Variants in KHDRBS2 observed in about 807,000 individuals in gnomAD.
KHDRBS2 encodes the protein KH RNA binding domain containing, signal transduction associated 2, also known as KH domain-containing, RNA-binding, signal transduction-associated protein 2.
KHDRBS2 carries 26 observed loss-of-function variants against 44.3 expected under a neutral mutation model. The observed-to-expected ratio is 0.59, with a 90% confidence interval of 0.43 to 0.81. The LOEUF (loss-of-function observed/expected upper bound fraction) is 0.81, where lower values mean the gene tolerates loss of function less well. Among genes scored for constraint, KHDRBS2 ranks in the 40% least tolerant of loss-of-function variants. KHDRBS2 has a pLI of 0.00. For missense variants in KHDRBS2, 476 were observed against 433.1 expected (o/e 1.10, Z -0.88); for synonymous variants, 194 against 151.1 (o/e 1.28, Z -2.08).
At chr6:62,140,004 G>A (rs1175745840) in intron 2 of KHDRBS2, among the ~76,000 whole-genome samples, 3 of 151,684 alleles carry the variant, frequency 2.0e-5, no homozygotes, top group Non-Finnish European at 2.9e-5. Flanking sequence ...TTAAAATATC[G>A]TAAATGTCTG....
At chr6:61,605,841 C>G in the KHDRBS2 span, among the ~76,000 whole-genome samples, 9 of 152,138 alleles carry the variant, frequency 5.9e-5, no homozygotes, top group African/African-American at 2.2e-4. Flanking sequence ...CCTCTGAGCC[C>G]AAGCTAAGCC....
chr6:61,637,565 G>A, the KHDRBS2 span, among the ~76,000 whole-genome samples: 5 of 152,032 alleles, frequency 3.3e-5, no homozygotes, highest in African/African-American at 1.2e-4. Flanking sequence ...GGGATGGCTG[G>A]GTCAAATGGT....
At chr6:61,928,927 T>C (rs772618051) in intron 4 of KHDRBS2, among the ~76,000 whole-genome samples, 1 of 152,168 alleles carries the variant, frequency 6.6e-6, no homozygotes, top group Non-Finnish European at 1.5e-5. Context: ...ATTGTTATCA[T>C]TATTTTTTAA....
intron 3 of KHDRBS2, among the ~76,000 whole-genome samples, chr6:61,992,452 T>A (rs555309307): frequency 1.3e-5 from 2 of 152,312 alleles, no homozygotes; most frequent in South Asian, 4.2e-4. Flanking sequence ...AAGTGATTGC[T>A]CCACAGTATC....
intron 2 of KHDRBS2, among the ~76,000 whole-genome samples, chr6:62,129,792 AGTGCAGATAGATGGTTTTCAT>A (rs1809850549): frequency 6.6e-6 from 1 of 152,124 alleles, no homozygotes; most frequent in Admixed American, 6.5e-5. Flanking sequence ...TGTATTAGGT[AGTGCAGATAGATGGTTTTCAT>A]GAGCACAGTT....
intron 6 of KHDRBS2, among the ~76,000 whole-genome samples, chr6:61,739,237 G>C (rs1200388915): frequency 6.6e-6 from 1 of 151,806 alleles, no homozygotes; most frequent in Admixed American, 6.6e-5. Flanking sequence ...ATAAATGCTT[G>C]CTTATTATCT....
intron 6 of KHDRBS2, among the ~76,000 whole-genome samples, chr6:61,738,916 G>A (rs1416789192): frequency 6.6e-6 from 1 of 151,698 alleles, no homozygotes; most frequent in East Asian, 1.9e-4. Context: ...CTATTATCCA[G>A]GCATTAAACA....
chr6:61,905,676 T>A (rs1468639954), intron 4 of KHDRBS2, among the ~76,000 whole-genome samples: 1 of 152,082 alleles, frequency 6.6e-6, no homozygotes, highest in South Asian at 2.1e-4. Context: ...TTAATGCAAA[T>A]TTATATCACA....
At chr6:61,982,576 C>T (rs1251300922) in intron 3 of KHDRBS2, among the ~76,000 whole-genome samples, 3 of 150,546 alleles carry the variant, frequency 2.0e-5, no homozygotes, top group Admixed American at 1.3e-4. Context: ...GAGGCTGAGG[C>T]GAGAGAATGG....
intron 1 of KHDRBS2, among the ~76,000 whole-genome samples, chr6:62,178,144 C>T (rs1202232258): frequency 6.6e-6 from 1 of 151,344 alleles, no homozygotes; most frequent in Non-Finnish European, 1.5e-5. Flanking sequence ...ACACAATATG[C>T]TGTTAAGAAT....
In KHDRBS2 at chr6:61,918,792, G is replaced by A. The variant is rs540081437; in HGVS notation, c.484-17421C>T. Among the ~76,000 whole-genome samples, 10 of 152,038 alleles carry A rather than the reference G, an allele frequency of 6.6e-5. No individual in the cohort carries two copies. The East Asian group carries it at 1.9e-3, about 29-fold the overall frequency. ...AACTGGTATTATTGCTGCTACTGTT[G>A]GTGCTGGTGGTGGTGTATGTGTGTG... On this transcript the variant is annotated intron_variant, in intron 4 of 8. Transcript: ENST00000281156.
chr6:62,172,847 C>A (rs1230162279), intron 2 of KHDRBS2, among the ~76,000 whole-genome samples: 1 of 151,660 alleles, frequency 6.6e-6, no homozygotes, highest in Non-Finnish European at 1.5e-5. Flanking sequence ...TTTGAGTGAA[C>A]AATGAAATTA....
chr6:61,565,530 A>T, the KHDRBS2 span, among the ~76,000 whole-genome samples: 1 of 152,172 alleles, frequency 6.6e-6, no homozygotes, highest in Non-Finnish European at 1.5e-5. Flanking sequence ...TTTTCAAAAG[A>T]AGACATACAA....
At chr6:62,038,647 C>A (rs1436888998) in intron 3 of KHDRBS2, among the ~76,000 whole-genome samples, 1 of 152,146 alleles carries the variant, frequency 6.6e-6, no homozygotes, top group South Asian at 2.1e-4. Flanking sequence ...GAATTTTTCT[C>A]GTTAACATTC....
At chr6:61,843,650 C>T (rs1284397538) in intron 6 of KHDRBS2, among the ~76,000 whole-genome samples, 1 of 152,086 alleles carries the variant, frequency 6.6e-6, no homozygotes. Context: ...CAGGCGTGAG[C>T]CACTGCACCC....
At position 61,891,567 on chromosome 6, in the gene KHDRBS2, C is replaced by T. The variant is rs576459427; in HGVS notation, c.810+3068G>A. Among the ~76,000 whole-genome samples the T allele has an allele frequency of 5.3e-5, 8 of 151,854 alleles. No individual in the cohort carries two copies. The East Asian group carries it at 1.6e-3, about 29-fold the overall frequency. ...GGCTGTGAATCTGTCTGGTCCTGGA[C>T]TGTTTTTGGGATGCAAGACTGGTTC... On this transcript the variant is annotated intron_variant, in intron 6 of 8. Transcript: ENST00000281156.
chr6:62,049,618 C>A (rs1240596806), intron 2 of KHDRBS2, among the ~76,000 whole-genome samples: 1 of 151,806 alleles, frequency 6.6e-6, no homozygotes, highest in Non-Finnish European at 1.5e-5. Flanking sequence ...GATGATATTT[C>A]TTTTCTCTTG....
chr6:61,848,478 T>C (rs1449190239), intron 6 of KHDRBS2, among the ~76,000 whole-genome samples: 1 of 51,990 alleles, frequency 1.9e-5, no homozygotes, highest in African/African-American at 1.3e-4. Context: ...TTTATATATA[T>C]ATATATATAT....
intron 8 of KHDRBS2, among the ~76,000 whole-genome samples, chr6:61,690,770 G>A (rs1463107736): frequency 6.6e-6 from 1 of 151,948 alleles, no homozygotes; most frequent in Non-Finnish European, 1.5e-5. Flanking sequence ...GCAAATGACT[G>A]GCACAGTTTG....
Sources: gnomAD v4.1 joint callset for allele counts (sites outside exome capture counted in the v4.1 genomes callset) on GRCh38, gnomAD v4.1.1 for gene constraint, MANE v1.5 for transcripts, NCBI Gene and HGNC (gene_info 2026-07-23, HGNC 2026-07-21) for gene names.